TGM4: variants seen among roughly 807,000 people sequenced by gnomAD.
TGM4 encodes the protein transglutaminase 4.
In TGM4, 61 loss-of-function variants were observed where a neutral mutation model predicts 76.3. The observed-to-expected ratio is 0.80, with a 90% CI of 0.65 to 0.99. TGM4 has a LOEUF of 0.99. Ranked by LOEUF, TGM4 falls within the 50% of genes least tolerant of loss-of-function variation. The pLI is 0.00. For synonymous variants in TGM4, 337 were observed against 329.8 expected (o/e 1.02, Z -0.24); for missense variants, 794 against 843.2 (o/e 0.94, Z 0.72).
intron 4 of TGM4, among the ~76,000 whole-genome samples, chr3:44,891,048 C>A (rs1329856955): frequency 6.6e-6 from 1 of 152,218 alleles, no homozygotes; most frequent in Non-Finnish European, 1.5e-5. Flanking sequence ...TTCTTCCTTG[C>A]CAGCTCCAGG....
chr3:44,885,194 T>C, intron 1 of TGM4, 131 bp from the exon 2 acceptor site: 1 of 865,086 alleles, frequency 1.2e-6, no homozygotes, highest in Non-Finnish European at 1.8e-6. Context: ...CAGCTGGAGG[T>C]GGAGCAGGGA....
At position 44,887,790 on chromosome 3, in the gene TGM4, A is replaced by G. The variant is rs769570797; in HGVS notation, c.295A>G (p.Lys99Glu). 19 of 1,614,058 alleles carry G rather than the reference A, an allele frequency of 1.2e-5. No homozygotes were observed. The highest frequency in any genetic ancestry group is 1.2e-4 in the Admixed American group (7 of 60,012). The change falls in exon 3 of 14, where the codon AAA (lysine) becomes GAA (glutamate). Residue 99 changes from lysine (K) to glutamate (E), a missense_variant. By Grantham distance (56) the Lys-to-Glu change is moderately conservative (BLOSUM62 1). Coordinates refer to ENST00000296125, the MANE Select transcript of TGM4 (RefSeq NM_003241.4). ...WQATLQNESG[K>E]EVTVAVTSSP... ...GGCAACCCTTCAAAATGAGTCTGGC[A>G]AAGAGGTGAGCACCCACTGGGCTGG...
Position 44,896,813 on chromosome 3 carries a change from T to C in TGM4, c.654T>C (p.Ala218=). ...TGCTGGTGTGCAGGGCCATGTGTGC[T>C]ATGGTAGGTATGGAAAGCCTGGGCT... ...DPVLVCRAMC[A]MMSFEKGQGV... is the part of the protein sequence containing the mutation. Residue 218 remains alanine (A), a synonymous_variant, in exon 6 of 14, where the codon GCT becomes GCC. Transcript: ENST00000296125. 2 of 1,613,534 alleles carry C rather than the reference T, an allele frequency of 1.2e-6. No individual in the cohort carries two copies. Among genetic ancestry groups the C allele is most frequent in the Non-Finnish European group, 8.5e-7 (1 of 1,179,474 alleles).
chr3:44,896,715 A>T lies in TGM4; in HGVS notation c.556A>T (p.Lys186Ter). 6.2e-7 allele frequency: 1 copy of T among 1,614,002 alleles called. No homozygotes were observed. The highest frequency in any genetic ancestry group is 8.5e-7 in the Non-Finnish European group (1 of 1,179,904). Residue 186 changes from lysine to a stop codon, truncating the protein, a stop_gained, in exon 6 of 14, where the codon AAA becomes TAA. Transcript: ENST00000296125. LOFTEE classifies it high-confidence loss of function. ...CKPWNFGQFE[K>*]NVLDCCISLL... Reference sequence around the variant, plus strand: ...TCTTCATTTCCCAAAATAGTTTGAGAAAAATGTCCTGGACTGCTGCATTTC... The same window carrying T: ...TCTTCATTTCCCAAAATAGTTTGAGTAAAATGTCCTGGACTGCTGCATTTC...
At chr3:44,899,764 A>T (rs775032128) in intron 6 of TGM4, 1 of 152,320 alleles carries the variant, frequency 6.6e-6, no homozygotes, top group Non-Finnish European at 1.5e-5. Flanking sequence ...GGTGTGGTTT[A>T]GCTGAATGTT....
chr3:44,903,664 GCCCC>G (rs925350334), intron 8 of TGM4: 234 of 563,090 alleles, frequency 4.2e-4, no homozygotes, highest in Non-Finnish European at 6.0e-4. Context: ...CCCCAGCCCT[GCCCC>G]CTGCACACAA....
Position 44,885,278 on chromosome 3 carries a change from T to C in TGM4, c.20-47T>C, listed in dbSNP as rs751487088. On this transcript the variant is annotated intron_variant, in intron 1 of 13. Transcript: ENST00000296125. ...AACCCAGAAAGAGGTGATCAGGGAA[T>C]AAACATTCTCTGTGCTCTCTTTCCA... 2.1e-5 allele frequency: 32 copies of C among 1,547,968 alleles called. No individual in the cohort carries two copies. The Admixed American group carries it at 4.5e-4, about 22-fold the overall frequency.
intron 13 of TGM4, among the ~76,000 whole-genome samples, chr3:44,911,991 C>T (rs758633033): frequency 9.9e-5 from 15 of 152,214 alleles, no homozygotes; most frequent in Middle Eastern, 3.4e-3. Flanking sequence ...CCACCACACC[C>T]GGCTAATTTT....
At position 44,907,004 on chromosome 3, in the gene TGM4, T is replaced by C. The variant is rs745778041; in HGVS notation, c.1131T>C (p.Phe377=). Residue 377 remains phenylalanine (F), a synonymous_variant, in exon 10 of 14, where the codon TTT becomes TTC. Transcript: ENST00000296125. The part of the protein sequence containing the change: ...PLTAIRKGDI[F]IVYDTRFVFS... The stretch of plus-strand genomic sequence containing the variant: ...CCGCCATCCGCAAAGGTGACATCTT[T>C]ATTGTCTATGACACCAGATTCGTCT... 1 of 1,614,124 alleles carries C rather than the reference T, an allele frequency of 6.2e-7. No individual in the cohort carries two copies. The highest frequency in any genetic ancestry group is 1.1e-5 in the South Asian group (1 of 91,074).
In TGM4 at chr3:44,896,799, AG is replaced by A; in HGVS notation, c.643del (p.Ala215ProfsTer5). ...TDRRDPVLVCRAMCAMMSFEK... is the reference protein window; with the variant it reads ...TDRRDPVLVCXAMCAMMSFEK... The stretch of plus-strand genomic sequence containing the variant: ...TAGGAGGGACCCCGTGCTGGTGTGC[AG>A]GGCCATGTGTGCTATGGTAGGTATG... On this transcript the variant is annotated frameshift_variant, in exon 6 of 14. Transcript: ENST00000296125. LOFTEE classifies it high-confidence loss of function. The A allele has an allele frequency of 6.2e-7, 1 of 1,614,160 alleles. No homozygotes were observed. Among genetic ancestry groups the A allele is most frequent in the Non-Finnish European group, 8.5e-7 (1 of 1,180,010 alleles).
chr3:44,876,733 C>G (rs1404098466), intron 1 of TGM4, among the ~76,000 whole-genome samples: 3 of 152,032 alleles, frequency 2.0e-5, no homozygotes, highest in African/African-American at 7.3e-5. Flanking sequence ...AGGAAAAGAA[C>G]AGTAAAACTG....
At chr3:44,902,656 GC>G (rs1167773998) in intron 8 of TGM4, among the ~76,000 whole-genome samples, 1 of 116,502 alleles carries the variant, frequency 8.6e-6, no homozygotes, top group Non-Finnish European at 1.8e-5. Flanking sequence ...CTGTACTGGA[GC>G]TTTTGCCTCT....
At chr3:44,912,388 G>T (rs1700016909) in intron 13 of TGM4, among the ~76,000 whole-genome samples, 1 of 152,104 alleles carries the variant, frequency 6.6e-6, no homozygotes, top group Admixed American at 6.6e-5. Context: ...GTACTTTGTA[G>T]CACTGCCTTT....
chr3:44,907,967 C>T (rs188070477), intron 10 of TGM4, among the ~76,000 whole-genome samples: 49 of 152,250 alleles, frequency 3.2e-4, no homozygotes, highest in South Asian at 2.9e-3. Flanking sequence ...GGCAGGAAAT[C>T]GTAAGGACTC....
intron 10 of TGM4, 53 bp from the exon 11 acceptor site, chr3:44,910,037 C>A: frequency 6.3e-7 from 1 of 1,577,930 alleles, no homozygotes; most frequent in Non-Finnish European, 8.6e-7. Context: ...GTGGTTGGGA[C>A]ATTTGGTCCT....
At chr3:44,902,877 G>C (rs183501084) in intron 8 of TGM4, among the ~76,000 whole-genome samples, 28 of 152,348 alleles carry the variant, frequency 1.8e-4, no homozygotes, top group Admixed American at 1.6e-3. Context: ...GTTGCAGAGG[G>C]AGTAGACGAG....
chr3:44,913,750 A>AGTT lies in TGM4; in HGVS notation c.*27_*29dup. ...GCCTTGTCTGATGCTGTGGAGCCTT[A>AGTT]GTTGAGATTTCAGCATTTCCTACCT... On this transcript the variant is annotated 3_prime_UTR_variant, in exon 14 of 14. Transcript: ENST00000296125. The AGTT allele has an allele frequency of 6.2e-7, 1 of 1,600,144 alleles. No homozygotes were observed. Among genetic ancestry groups the AGTT allele is most frequent in the Non-Finnish European group, 8.5e-7 (1 of 1,174,524 alleles).
At chr3:44,891,801 C>T (rs1309275508) in intron 4 of TGM4, among the ~76,000 whole-genome samples, 3 of 145,966 alleles carry the variant, frequency 2.1e-5, no homozygotes, top group Non-Finnish European at 1.5e-5. Context: ...GGTGAAACCC[C>T]ATCTCTACTA....
rs760776802 is a variant in TGM4 at position 44,887,734 on chromosome 3, C to T, written c.239C>T (p.Pro80Leu). 1.9e-5 allele frequency: 31 copies of T among 1,614,040 alleles called. No homozygotes were observed. The highest frequency in any genetic ancestry group is 1.0e-4 in the Admixed American group (6 of 60,010). ...IAKHTLVVLDPRTPSDHYNWQ... is the reference protein window; with the variant it reads ...IAKHTLVVLDLRTPSDHYNWQ... Reference sequence around the variant, plus strand: ...AAACACACCCTGGTGGTGCTCGACCCGAGGACGCCCTCAGACCACTACAAC... The same window carrying T: ...AAACACACCCTGGTGGTGCTCGACCTGAGGACGCCCTCAGACCACTACAAC... Residue 80 changes from proline (P) to leucine (L), a missense_variant, in exon 3 of 14, where the codon CCG becomes CTG. Coordinates refer to ENST00000296125, the MANE Select transcript of TGM4 (RefSeq NM_003241.4).
Sources: gnomAD v4.1 joint callset for allele counts (sites outside exome capture counted in the v4.1 genomes callset) on GRCh38, gnomAD v4.1.1 for gene constraint, MANE v1.5 for transcripts, NCBI Gene and HGNC (gene_info 2026-07-23, HGNC 2026-07-21) for gene names.